The following ST6GALNAC3 variants were observed in gnomAD, a reference collection of about 807,000 sequenced individuals.
ST6GALNAC3 encodes the protein ST6 N-acetylgalactosaminide alpha-2,6-sialyltransferase 3, also known as alpha-N-acetylgalactosaminide alpha-2,6-sialyltransferase 3.
Under a neutral mutation model 32.7 loss-of-function variants are expected in ST6GALNAC3, and 25 were observed. The observed-to-expected ratio is 0.76, with a 90% confidence interval of 0.56 to 1.07. The LOEUF is 1.07. ST6GALNAC3 is among the 50% of genes least tolerant of loss of function. The pLI is 0.00. For missense variants in ST6GALNAC3, 355 were observed against 382.4 expected (o/e 0.93, Z 0.60); for synonymous variants, 129 against 133.1 (o/e 0.97, Z 0.21).
chr1:76,086,405 A>C (rs1314292219), intron 1 of ST6GALNAC3, among the ~76,000 whole-genome samples: 1 of 152,178 alleles, frequency 6.6e-6, no homozygotes, highest in Non-Finnish European at 1.5e-5. Flanking sequence ...AGACTTTTAT[A>C]AGTAATAAAA....
chr1:76,225,508 T>A (rs762069106), intron 1 of ST6GALNAC3, among the ~76,000 whole-genome samples: 21 of 152,082 alleles, frequency 1.4e-4, no homozygotes, highest in Non-Finnish European at 2.8e-4. Flanking sequence ...AGGAAAGAAC[T>A]CCCTGCCCCA....
At chr1:76,291,290 G>A (rs1660071663) in intron 1 of ST6GALNAC3, among the ~76,000 whole-genome samples, 1 of 152,256 alleles carries the variant, frequency 6.6e-6, no homozygotes, top group Non-Finnish European at 1.5e-5. Context: ...TGAGGCTGCA[G>A]TGCCTGCAGG....
At chr1:76,483,241 G>A (rs2101662897) in intron 3 of ST6GALNAC3, among the ~76,000 whole-genome samples, 1 of 152,278 alleles carries the variant, frequency 6.6e-6, no homozygotes, top group East Asian at 1.9e-4. Flanking sequence ...TATATACCCA[G>A]TAATGGGATG....
chr1:76,491,138 G>A (rs1426142284), intron 3 of ST6GALNAC3, among the ~76,000 whole-genome samples: 2 of 152,094 alleles, frequency 1.3e-5, no homozygotes, highest in Non-Finnish European at 2.9e-5. Context: ...GATTACAGGT[G>A]TGAGCCACCG....
chr1:76,475,420 G>A (rs1292368783), intron 3 of ST6GALNAC3, among the ~76,000 whole-genome samples: 1 of 152,130 alleles, frequency 6.6e-6, no homozygotes, highest in Admixed American at 6.5e-5. Context: ...TGTATGAAAA[G>A]CACTTAGTCT....
At chr1:76,149,728 G>T (rs1650924796) in intron 1 of ST6GALNAC3, among the ~76,000 whole-genome samples, 1 of 151,398 alleles carries the variant, frequency 6.6e-6, no homozygotes. Context: ...TTCATTCATT[G>T]TTCCATGGAT....
chr1:76,229,503 C>A (rs1046440255), intron 1 of ST6GALNAC3, among the ~76,000 whole-genome samples: 1 of 152,202 alleles, frequency 6.6e-6, no homozygotes, highest in Non-Finnish European at 1.5e-5. Context: ...TGTGTCTCCG[C>A]CAAAATGCAA....
intron 1 of ST6GALNAC3, among the ~76,000 whole-genome samples, chr1:76,305,093 G>A (rs1660966990): frequency 1.3e-5 from 2 of 152,058 alleles, no homozygotes; most frequent in South Asian, 4.1e-4. Context: ...GCAACAGGTG[G>A]ATTGGAGAAC....
intron 1 of ST6GALNAC3, among the ~76,000 whole-genome samples, chr1:76,122,147 G>A (rs1290979944): frequency 1.3e-5 from 2 of 152,164 alleles, no homozygotes; most frequent in Admixed American, 1.3e-4. Context: ...CTCCCTCAGA[G>A]GGTAGTTCCA....
intron 1 of ST6GALNAC3, among the ~76,000 whole-genome samples, chr1:76,202,310 A>G (rs1399344725): frequency 1.5e-5 from 2 of 130,894 alleles, no homozygotes; most frequent in South Asian, 2.7e-4. Context: ...GTGTATGTAC[A>G]TACACACATA....
intron 3 of ST6GALNAC3, among the ~76,000 whole-genome samples, chr1:76,612,264 T>A (rs1310553886): frequency 6.6e-6 from 1 of 152,162 alleles, no homozygotes; most frequent in East Asian, 1.9e-4. Flanking sequence ...TAACAGTGAC[T>A]GTAGAGTCCA....
At chr1:76,208,408 A>C (rs1438158268) in intron 1 of ST6GALNAC3, among the ~76,000 whole-genome samples, 1 of 152,256 alleles carries the variant, frequency 6.6e-6, no homozygotes. Context: ...TTTGGTTAGA[A>C]GATTAAAGTC....
chr1:76,603,149 C>T (rs902492707), intron 3 of ST6GALNAC3, among the ~76,000 whole-genome samples: 3 of 152,168 alleles, frequency 2.0e-5, no homozygotes, highest in Admixed American at 6.6e-5. Context: ...AAATTGGTCC[C>T]AATCCCTTGG....
intron 1 of ST6GALNAC3, among the ~76,000 whole-genome samples, chr1:76,178,130 A>C (rs1448623484): frequency 6.6e-6 from 1 of 152,268 alleles, no homozygotes; most frequent in African/African-American, 2.4e-5. Flanking sequence ...TGCCCTTCAG[A>C]GGCTCTGCCT....
At chr1:76,337,405 C>G (rs1647587685) in intron 2 of ST6GALNAC3, among the ~76,000 whole-genome samples, 1 of 152,140 alleles carries the variant, frequency 6.6e-6, no homozygotes, top group Non-Finnish European at 1.5e-5. Flanking sequence ...ATTACCCTTT[C>G]CATTGGGCTT....
chr1:76,221,856 T>A (rs1300197918), intron 1 of ST6GALNAC3, among the ~76,000 whole-genome samples: 1 of 152,110 alleles, frequency 6.6e-6, no homozygotes, highest in East Asian at 1.9e-4. Flanking sequence ...ATAAAAGTCA[T>A]GACTCAAAAA....
intron 3 of ST6GALNAC3, among the ~76,000 whole-genome samples, chr1:76,485,064 G>A (rs1660014943): frequency 6.6e-6 from 1 of 152,168 alleles, no homozygotes; most frequent in African/African-American, 2.4e-5. Flanking sequence ...GCATCCCAGG[G>A]AAGAAGCCCA....
chr1:76,278,346 C>T (rs1570669645), intron 1 of ST6GALNAC3, among the ~76,000 whole-genome samples: 1 of 151,532 alleles, frequency 6.6e-6, no homozygotes, highest in Non-Finnish European at 1.5e-5. Flanking sequence ...CTCAGCCTCC[C>T]GAGTAGCTGG....
At chr1:76,296,241 C>G (rs1247739250) in intron 1 of ST6GALNAC3, among the ~76,000 whole-genome samples, 1 of 152,002 alleles carries the variant, frequency 6.6e-6, no homozygotes, top group African/African-American at 2.4e-5. Context: ...AGAATGAAAA[C>G]TAGGAAAGCA....
Sources: gnomAD v4.1 joint callset for allele counts (sites outside exome capture counted in the v4.1 genomes callset) on GRCh38, gnomAD v4.1.1 for gene constraint, MANE v1.5 for transcripts, NCBI Gene and HGNC (gene_info 2026-07-23, HGNC 2026-07-21) for gene names.